The following PRKCB variants were observed in gnomAD, a reference collection of about 807,000 sequenced individuals.
PRKCB encodes the protein protein kinase C beta.
In PRKCB, 13 loss-of-function variants were observed where a neutral mutation model predicts 81.5. That is an observed-to-expected ratio of 0.16 (90% CI 0.10 to 0.25). The LOEUF (loss-of-function observed/expected upper bound fraction) is 0.25, where lower values mean the gene tolerates loss of function less well. PRKCB is among the 10% of genes least tolerant of loss of function. PRKCB has a pLI of 1.00. For synonymous variants in PRKCB, 335 were observed against 321.4 expected, an observed-to-expected ratio of 1.04 and a Z score of -0.45; for missense variants, 509 against 875.7, an observed-to-expected ratio of 0.58 and a Z score of 5.29.
At chr16:24,174,677 G>A (rs1175008624) in intron 12 of PRKCB, 97 bp downstream of exon 12, 3 of 1,185,824 alleles carry the variant, frequency 2.5e-6, no homozygotes, top group Admixed American at 2.1e-5. Flanking sequence ...AGAATCCGCG[G>A]TGGGGGAGGA....
chr16:24,117,786 T>C (rs888953219), intron 8 of PRKCB, among the ~76,000 whole-genome samples: 3 of 152,182 alleles, frequency 2.0e-5, no homozygotes, highest in Non-Finnish European at 4.4e-5. Flanking sequence ...ACTACTGCTG[T>C]GGGCAGCTAG....
intron 3 of PRKCB, among the ~76,000 whole-genome samples, chr16:24,020,618 T>C (rs1163218635): frequency 6.6e-6 from 1 of 152,182 alleles, no homozygotes; most frequent in Non-Finnish European, 1.5e-5. Context: ...AACCAGAGAC[T>C]CAGGGTGGTT....
chr16:24,021,026 TTCTTTCTTTCTTTCTC>T (rs1305794573), intron 3 of PRKCB, among the ~76,000 whole-genome samples: 10 of 140,074 alleles, frequency 7.1e-5, no homozygotes, highest in African/African-American at 2.7e-4. Flanking sequence ...CTTTCTTTCT[TTCTTTCTTTCTTTCTC>T]TTTCTTTCTT....
chr16:23,914,080 G>T (rs1315145457), intron 2 of PRKCB, among the ~76,000 whole-genome samples: 5 of 152,044 alleles, frequency 3.3e-5, no homozygotes, highest in Non-Finnish European at 2.9e-5. Flanking sequence ...ATAGCTCACT[G>T]CAGCCTCAAA....
intron 9 of PRKCB, among the ~76,000 whole-genome samples, chr16:24,136,865 AT>A (rs1205135669): frequency 1.3e-5 from 2 of 151,750 alleles, no homozygotes; most frequent in Non-Finnish European, 2.9e-5. Context: ...TTTTATTTTA[AT>A]TTTTTTATTT....
chr16:24,180,482 C>T (rs58261453), intron 12 of PRKCB, among the ~76,000 whole-genome samples: 2,259 of 152,262 alleles, frequency 0.015, 43 homozygotes, highest in African/African-American at 0.051. Flanking sequence ...ATCCAAGAAG[C>T]GTCATGGATG....
chr16:23,974,363 G>A (rs879332499), intron 2 of PRKCB, among the ~76,000 whole-genome samples: 1 of 152,160 alleles, frequency 6.6e-6, no homozygotes, highest in Non-Finnish European at 1.5e-5. Flanking sequence ...CCCTTGGATT[G>A]ACAAGATGCT....
rs201114095 is a variant in PRKCB, at chr16:24,123,817, T to C, written c.919-18T>C. 366 of 1,613,178 alleles carry C rather than the reference T, an allele frequency of 2.3e-4. No homozygotes were observed. Among genetic ancestry groups the C allele is most frequent in the Non-Finnish European group, 2.9e-4 (342 of 1,179,624 alleles). ...CCTCAAACCCTGAGCATGTTTTCTG[T>C]GTGCTTCCTTTTTGCAGAGGGCCAA... is the stretch of plus-strand genomic sequence containing the variant. On this transcript the variant is annotated intron_variant, in intron 8 of 16. Transcript: ENST00000643927.
At chr16:23,960,440 G>A (rs28482412) in intron 2 of PRKCB, among the ~76,000 whole-genome samples, 1 of 151,690 alleles carries the variant, frequency 6.6e-6, no homozygotes, top group African/African-American at 2.4e-5. Flanking sequence ...TTGAATTGAA[G>A]TCGTTTCATG....
At chr16:23,982,109 T>C (rs1456831227) in intron 2 of PRKCB, among the ~76,000 whole-genome samples, 2 of 56,286 alleles carry the variant, frequency 3.6e-5, no homozygotes, top group Non-Finnish European at 6.9e-5. Flanking sequence ...TCCCTTCCCT[T>C]CCCTTTCCCT....
intron 5 of PRKCB, among the ~76,000 whole-genome samples, chr16:24,061,916 A>G (rs977201884): frequency 2.7e-5 from 4 of 148,434 alleles, no homozygotes; most frequent in Non-Finnish European, 6.0e-5. Flanking sequence ...TAAATAAAAA[A>G]AAAAAAAAAA....
At chr16:24,194,466 C>G (rs1423033229) in intron 16 of PRKCB, among the ~76,000 whole-genome samples, 1 of 152,138 alleles carries the variant, frequency 6.6e-6, no homozygotes, top group Non-Finnish European at 1.5e-5. Flanking sequence ...GTATCCCATG[C>G]ATTGTTGGTT....
At chr16:24,021,494 C>A (rs903207950) in intron 3 of PRKCB, among the ~76,000 whole-genome samples, 3 of 151,308 alleles carry the variant, frequency 2.0e-5, no homozygotes, top group African/African-American at 7.3e-5. Flanking sequence ...ACTATAAAGA[C>A]TCTGGTTTGG....
At chr16:23,847,581 T>C (rs1411272106) in intron 2 of PRKCB, among the ~76,000 whole-genome samples, 2 of 54,640 alleles carry the variant, frequency 3.7e-5, no homozygotes, top group Non-Finnish European at 4.2e-5. Context: ...TCCATCCGTC[T>C]GGCTATCCAA....
chr16:23,898,319 G>T (rs1456569582), intron 2 of PRKCB, among the ~76,000 whole-genome samples: 1 of 151,962 alleles, frequency 6.6e-6, no homozygotes. Context: ...CGCCCATCTC[G>T]GCCTCCCAAA....
At chr16:23,934,021 TCATC>T (rs67394616) in intron 2 of PRKCB, among the ~76,000 whole-genome samples, 47 of 142,488 alleles carry the variant, frequency 3.3e-4, no homozygotes, top group African/African-American at 8.5e-4. Context: ...TTCTACCCAC[TCATC>T]CATCCATCCA....
chr16:24,164,192 A>T (rs1967307012), intron 10 of PRKCB, among the ~76,000 whole-genome samples: 1 of 152,178 alleles, frequency 6.6e-6, no homozygotes, highest in Admixed American at 6.5e-5. Context: ...CTCCACTTTC[A>T]GCTGTCTTAG....
At chr16:24,032,290 G>C (rs753602648) in intron 4 of PRKCB, 43 bp downstream of exon 4, 126 of 1,409,660 alleles carry the variant, frequency 8.9e-5, no homozygotes, top group Middle Eastern at 8.7e-4. Flanking sequence ...GATGGCAGAA[G>C]CAATGGGAAG....
chr16:24,195,471 G>A (rs1596593391), intron 16 of PRKCB, among the ~76,000 whole-genome samples: 1 of 152,258 alleles, frequency 6.6e-6, no homozygotes, highest in Non-Finnish European at 1.5e-5. Flanking sequence ...AGTGTGGTGA[G>A]AGAAAAAACA....
Sources: gnomAD v4.1 joint callset for allele counts (sites outside exome capture counted in the v4.1 genomes callset) on GRCh38, gnomAD v4.1.1 for gene constraint, MANE v1.5 for transcripts, NCBI Gene and HGNC (gene_info 2026-07-23, HGNC 2026-07-21) for gene names.